Variants in BICD1 observed in about 807,000 individuals in gnomAD.
The protein encoded by BICD1 is protein bicaudal D homolog 1.
In BICD1, 35 loss-of-function variants were observed where a neutral mutation model predicts 92.5. That is an observed-to-expected ratio of 0.38 (90% CI 0.29 to 0.50). The LOEUF (loss-of-function observed/expected upper bound fraction) is 0.50. Among genes scored for constraint, BICD1 ranks in the 20% least tolerant of loss-of-function variants. BICD1 has a pLI of 0.93. For synonymous variants in BICD1, 429 were observed against 465.1 expected, an observed-to-expected ratio of 0.92 and a Z score of 1.00; for missense variants, 950 against 1,189.8, an observed-to-expected ratio of 0.80 and a Z score of 2.97.
chr12:32,215,863 A>T (rs1215112402), intron 1 of BICD1, among the ~76,000 whole-genome samples: 4 of 146,960 alleles, frequency 2.7e-5, no homozygotes, highest in African/African-American at 1.0e-4. Context: ...CTGAGGCAGG[A>T]GAATGGCGTG....
At chr12:32,117,711 T>TAC (rs747943737) in intron 1 of BICD1, among the ~76,000 whole-genome samples, 243 of 117,036 alleles carry the variant, frequency 2.1e-3, no homozygotes, top group South Asian at 5.4e-3. Flanking sequence ...CAAATATATA[T>TAC]ACACACACAC....
rs1453485324 is a variant in BICD1, at chr12:32,107,460, G to A, written c.129G>A (p.Glu43=). 1 of 1,611,242 alleles carries A rather than the reference G, an allele frequency of 6.2e-7. No homozygotes were observed. The highest frequency in any genetic ancestry group is 2.2e-5 in the East Asian group (1 of 44,830). Reference sequence around the variant, plus strand: ...CCGAGTACGGGCTGGTGGTGCTGGAGGAGAAGCTGACCCTCAAACAGCAGT... The same window carrying A: ...CCGAGTACGGGCTGGTGGTGCTGGAAGAGAAGCTGACCCTCAAACAGCAGT... ...QAAEYGLVVL[E]EKLTLKQQYD... The change falls in exon 1 of 10, where the codon GAG becomes GAA. Residue 43 remains glutamate, a synonymous_variant. Coordinates refer to ENST00000652176, the MANE Select transcript of BICD1 (RefSeq NM_001714.4).
intron 7 of BICD1, chr12:32,338,039 G>C (rs1938209049): frequency 4.0e-6 from 2 of 500,722 alleles, no homozygotes; most frequent in Admixed American, 6.5e-5. Context: ...CCCTCCTCTT[G>C]ATTAATCGTA....
intron 1 of BICD1, chr12:32,108,765 A>G (rs1941587483): frequency 1.6e-6 from 1 of 634,758 alleles, no homozygotes. Flanking sequence ...CTACCAAAAA[A>G]TAAATGTACT....
At chr12:32,176,526 G>C (rs149148981) in intron 1 of BICD1, among the ~76,000 whole-genome samples, 1 of 152,112 alleles carries the variant, frequency 6.6e-6, no homozygotes, top group Non-Finnish European at 1.5e-5. Flanking sequence ...ATCAAGATAC[G>C]AAACATTTGC....
At chr12:32,301,699 T>G (rs1251557226) in intron 3 of BICD1, among the ~76,000 whole-genome samples, 3 of 151,644 alleles carry the variant, frequency 2.0e-5, no homozygotes, top group Admixed American at 6.6e-5. Flanking sequence ...TGATTGAGAC[T>G]GGGAGATCAA....
intron 1 of BICD1, among the ~76,000 whole-genome samples, chr12:32,166,744 A>G (rs1316568464): frequency 6.6e-6 from 1 of 152,224 alleles, no homozygotes; most frequent in Non-Finnish European, 1.5e-5. Context: ...AGATCATAGC[A>G]TCAGTAATCC....
chr12:32,136,281 T>G (rs1000374723), intron 1 of BICD1, among the ~76,000 whole-genome samples: 1 of 152,214 alleles, frequency 6.6e-6, no homozygotes. Context: ...ACTGTATAGA[T>G]GTCATGCAGG....
At chr12:32,352,335 A>T (rs1402978491) in intron 8 of BICD1, 2 of 152,052 alleles carry the variant, frequency 1.3e-5, no homozygotes, top group African/African-American at 4.8e-5. Flanking sequence ...GATGGAGACC[A>T]TTCTGGCCAA....
chr12:32,144,163 G>A (rs1943035986), intron 1 of BICD1, among the ~76,000 whole-genome samples: 1 of 151,988 alleles, frequency 6.6e-6, no homozygotes, highest in Non-Finnish European at 1.5e-5. Flanking sequence ...ATGTATTTTT[G>A]TGTCTTTAAG....
At chr12:32,290,983 G>A (rs1287327278) in intron 2 of BICD1, among the ~76,000 whole-genome samples, 9 of 152,202 alleles carry the variant, frequency 5.9e-5, no homozygotes, top group Admixed American at 5.2e-4. Flanking sequence ...AAAACTCTGA[G>A]CTAACGCCAC....
chr12:32,348,723 A>AATATATATATATATATATAT (rs11272207), intron 8 of BICD1, among the ~76,000 whole-genome samples: 3 of 117,960 alleles, frequency 2.5e-5, no homozygotes, highest in East Asian at 2.8e-4. Flanking sequence ...CTCACACAAA[A>AATATATATATATATATATAT]ATATATATAT....
chr12:32,241,033 A>G (rs1007440699), intron 2 of BICD1, among the ~76,000 whole-genome samples: 1 of 152,200 alleles, frequency 6.6e-6, no homozygotes, highest in Non-Finnish European at 1.5e-5. Flanking sequence ...CTCCAAGGTC[A>G]GACAGTATTA....
At chr12:32,346,568 ATATATATATATATACGTG>A (rs1938598826) in intron 8 of BICD1, among the ~76,000 whole-genome samples, 3 of 45,300 alleles carry the variant, frequency 6.6e-5, no homozygotes, top group African/African-American at 4.5e-4. Flanking sequence ...ATATATATAT[ATATATATATATATACGTG>A]TATATATATA....
At chr12:32,220,222 CA>C in intron 2 of BICD1, among the ~76,000 whole-genome samples, 1 of 152,220 alleles carries the variant, frequency 6.6e-6, no homozygotes, top group South Asian at 2.1e-4. Flanking sequence ...GCAATGGCAA[CA>C]AAAGACAAAA....
chr12:32,123,598 C>T (rs908037525), intron 1 of BICD1, among the ~76,000 whole-genome samples: 5 of 152,122 alleles, frequency 3.3e-5, no homozygotes, highest in Non-Finnish European at 5.9e-5. Flanking sequence ...CAGTTGTGGT[C>T]GGGCACAGTG....
At chr12:32,271,205 C>T (rs997365255) in intron 2 of BICD1, among the ~76,000 whole-genome samples, 9 of 152,176 alleles carry the variant, frequency 5.9e-5, no homozygotes, top group African/African-American at 2.2e-4. Context: ...TTTCTTTGAA[C>T]CAGATGAGAC....
intron 5 of BICD1, among the ~76,000 whole-genome samples, chr12:32,329,454 G>A (rs11051937): frequency 0.2 from 29,799 of 151,970 alleles, 3,719 homozygotes; most frequent in East Asian, 0.6. Context: ...AGAGAAACAA[G>A]AGCGCTAAAT....
At chr12:32,229,926 A>G (rs2650147) in intron 2 of BICD1, among the ~76,000 whole-genome samples, 105,521 of 152,068 alleles carry the variant, frequency 0.69, 37,324 homozygotes, top group East Asian at 0.89. Context: ...AAAGGAGAAA[A>G]GGATGGAATC....
Sources: allele counts gnomAD v4.1 joint callset (sites outside exome capture counted in the v4.1 genomes callset), GRCh38; gene constraint gnomAD v4.1.1; transcripts MANE v1.5; gene names NCBI Gene and HGNC (gene_info 2026-07-23, HGNC 2026-07-21).